Variants in TNR observed in about 807,000 individuals in gnomAD.
TNR encodes tenascin-R.
Under a neutral mutation model 150.4 loss-of-function variants are expected in TNR, and 45 were observed. That is an observed-to-expected ratio of 0.30 (90% confidence interval 0.24 to 0.38). TNR has a LOEUF of 0.38. Ranked by LOEUF, TNR falls within the 10% of genes least tolerant of loss-of-function variation. TNR has a pLI of 1.00. For synonymous variants in TNR, 687 were observed against 678.4 expected (o/e 1.01, Z -0.20); for missense variants, 1,544 against 1,759.1 (o/e 0.88, Z 2.19).
At chr1:175,456,625 T>C (rs1397395761) in intron 2 of TNR, among the ~76,000 whole-genome samples, 6 of 80,380 alleles carry the variant, frequency 7.5e-5, no homozygotes, top group African/African-American at 5.5e-4. Flanking sequence ...ATGTTTTGCA[T>C]GAGAGATTTT....
rs533502492 is a variant in TNR, at chr1:175,401,430, T to C, written c.976+1710A>G. Among the ~76,000 whole-genome samples, 15 of 152,258 alleles carry C rather than the reference T, an allele frequency of 9.9e-5. No individual in the cohort carries two copies. The South Asian group carries it at 3.1e-3, about 32-fold the overall frequency. On this transcript the variant is annotated intron_variant, in intron 4 of 22. Coordinates refer to ENST00000367674, the MANE Select transcript of TNR (RefSeq NM_003285.3). ...TCAGCCTGGCTTCCCAGAAGGTGCCTAGTGACTTTGGATTCAGAAACAATA... is the reference window on the plus strand; with the variant it reads ...TCAGCCTGGCTTCCCAGAAGGTGCCCAGTGACTTTGGATTCAGAAACAATA...
chr1:175,359,584 C>T, intron 15 of TNR, 28 bp downstream of exon 15: 3 of 1,612,774 alleles, frequency 1.9e-6, no homozygotes, highest in Non-Finnish European at 2.5e-6. Context: ...TTCCCACCTG[C>T]CTGATCTGCA....
intron 2 of TNR, among the ~76,000 whole-genome samples, chr1:175,449,130 T>C (rs778842367): frequency 2.0e-4 from 31 of 152,228 alleles, no homozygotes; most frequent in Non-Finnish European, 7.3e-5. Flanking sequence ...TAGAGACCAC[T>C]TGGAGTTGTA....
At chr1:175,574,621 C>G (rs893333280) in intron 1 of TNR, among the ~76,000 whole-genome samples, 1 of 152,180 alleles carries the variant, frequency 6.6e-6, no homozygotes, top group South Asian at 2.1e-4. Flanking sequence ...TATACACATA[C>G]TTTTCAAAAA....
intron 1 of TNR, among the ~76,000 whole-genome samples, chr1:175,609,768 C>A (rs570897355): frequency 1.3e-5 from 2 of 152,140 alleles, no homozygotes; most frequent in Non-Finnish European, 2.9e-5. Context: ...CTAAAAGCTG[C>A]CTGATTAGTG....
chr1:175,618,634 C>T (rs995316428), intron 1 of TNR, among the ~76,000 whole-genome samples: 1 of 152,200 alleles, frequency 6.6e-6, no homozygotes, highest in South Asian at 2.1e-4. Flanking sequence ...TAGGGCACTG[C>T]TTTGCTCAGG....
chr1:175,365,948 T>C lies in TNR; in HGVS notation c.2244A>G (p.Ala748=). Residue 748 remains alanine (A), a synonymous_variant, in exon 11 of 23, where the codon GCA becomes GCG. Transcript: ENST00000367674. ...SYTLTDLEPG[A]EYIISVTAER... is the part of the protein sequence containing the mutation. ...CAGCAGTGACGGAAATGATGTACTC[T>C]GCCCCAGGCTCTAGATCTGTTAGTG... 6.2e-7 allele frequency: 1 copy of C among 1,614,162 alleles called. No homozygotes were observed. The highest frequency in any genetic ancestry group is 2.2e-5 in the East Asian group (1 of 44,886).
intron 1 of TNR, among the ~76,000 whole-genome samples, chr1:175,585,663 A>G (rs1161065794): frequency 6.6e-6 from 1 of 152,200 alleles, no homozygotes; most frequent in East Asian, 1.9e-4. Flanking sequence ...TATCCTATCC[A>G]GATAGGAACT....
chr1:175,460,883 A>G (rs1656783846), intron 2 of TNR, among the ~76,000 whole-genome samples: 1 of 152,228 alleles, frequency 6.6e-6, no homozygotes, highest in Admixed American at 6.5e-5. Flanking sequence ...ATGGATGCAC[A>G]CACACATACA....
At chr1:175,654,719 C>CTTTTTT (rs36087120) in intron 1 of TNR, among the ~76,000 whole-genome samples, 2 of 74,744 alleles carry the variant, frequency 2.7e-5, no homozygotes, top group African/African-American at 1.1e-4. Context: ...AAGTTCCCTT[C>CTTTTTT]TTTTTTTTTT....
At chr1:175,542,919 C>A (rs1417832677) in intron 1 of TNR, among the ~76,000 whole-genome samples, 1 of 152,184 alleles carries the variant, frequency 6.6e-6, no homozygotes, top group African/African-American at 2.4e-5. Flanking sequence ...TCTAGTTTGA[C>A]CTTCTGAATG....
At chr1:175,537,097 G>T (rs1660321390) in intron 1 of TNR, among the ~76,000 whole-genome samples, 1 of 152,170 alleles carries the variant, frequency 6.6e-6, no homozygotes, top group Non-Finnish European at 1.5e-5. Context: ...GGAGGCTTTG[G>T]TGCACGATCG....
intron 1 of TNR, among the ~76,000 whole-genome samples, chr1:175,660,585 G>T (rs1190973891): frequency 6.6e-6 from 1 of 152,166 alleles, no homozygotes; most frequent in Non-Finnish European, 1.5e-5. Flanking sequence ...CCCTATAGAG[G>T]CATAGACTGT....
intron 18 of TNR, among the ~76,000 whole-genome samples, chr1:175,343,795 T>C (rs945827329): frequency 6.6e-6 from 1 of 152,174 alleles, no homozygotes; most frequent in African/African-American, 2.4e-5. Context: ...TCTGAAAACA[T>C]TTGGGACAAC....
intron 2 of TNR, among the ~76,000 whole-genome samples, chr1:175,498,599 C>G (rs537821152): frequency 6.6e-6 from 1 of 152,352 alleles, no homozygotes; most frequent in South Asian, 2.1e-4. Context: ...TCATCCCTCA[C>G]TCTTCTATTC....
rs557042947 is a variant in TNR at position 175,615,538 on chromosome 1, G to A, written c.-164-87169C>T. Among the ~76,000 whole-genome samples, 240 of 152,290 alleles carry A rather than the reference G, an allele frequency of 1.6e-3. 2 individuals are homozygous for A. The highest frequency in any genetic ancestry group is 3.9e-3 in the African/African-American group (163 of 41,574). On this transcript the variant is annotated intron_variant, in intron 1 of 22. Transcript: ENST00000367674. ...GGTCTGAGGGCCACATCAAGGCCCC[G>A]CCCTGAGGCTTCGAGGTCACAGAGC...
chr1:175,675,557 A>C lies in TNR; in HGVS notation c.-165+67669T>G, dbSNP rs367886249. Reference sequence around the variant, plus strand: ...TGGTGGTTCCACACAGCAGAAATGCATGCAGAAGCATGTAAGGTGTACACA... The same window carrying C: ...TGGTGGTTCCACACAGCAGAAATGCCTGCAGAAGCATGTAAGGTGTACACA... On this transcript the variant is annotated intron_variant, in intron 1 of 22. Coordinates refer to ENST00000367674, the MANE Select transcript of TNR (RefSeq NM_003285.3). Among the ~76,000 whole-genome samples, 39 of 152,370 alleles carry C rather than the reference A, an allele frequency of 2.6e-4. No homozygotes were observed. The East Asian group carries it at 6.2e-3, about 24-fold the overall frequency.
chr1:175,641,629 A>G (rs1373602621), intron 1 of TNR, among the ~76,000 whole-genome samples: 1 of 152,208 alleles, frequency 6.6e-6, no homozygotes, highest in African/African-American at 2.4e-5. Context: ...GTCTTTAGCT[A>G]GGATAAAACA....
intron 1 of TNR, among the ~76,000 whole-genome samples, chr1:175,537,613 T>TCTG (rs1431501468): frequency 6.6e-6 from 1 of 152,214 alleles, no homozygotes; most frequent in Non-Finnish European, 1.5e-5. Flanking sequence ...CTCCCCCGGA[T>TCTG]CTGCATTTAA....
Sources: allele counts gnomAD v4.1 joint callset (sites outside exome capture counted in the v4.1 genomes callset), GRCh38; gene constraint gnomAD v4.1.1; transcripts MANE v1.5; gene names NCBI Gene and HGNC (gene_info 2026-07-23, HGNC 2026-07-21).